Variants in PLA2G5 observed in about 807,000 individuals in gnomAD.
PLA2G5 encodes the protein Ca2+-dependent phospholipase A2.
A neutral mutation model predicts 15.9 loss-of-function variants in PLA2G5; 12 were observed. The ratio of observed to expected loss-of-function variants is 0.76; its 90% CI spans 0.48 to 1.23. The LOEUF (loss-of-function observed/expected upper bound fraction) is 1.23, where lower values mean the gene tolerates loss of function less well. Among genes scored for constraint, PLA2G5 ranks in the 50% most tolerant of loss-of-function variants. PLA2G5 has a pLI of 0.00. For missense variants in PLA2G5, 169 were observed against 177.1 expected (o/e 0.95, Z 0.26); for synonymous variants, 71 against 71.4 (o/e 0.99, Z 0.03).
intron 1 of PLA2G5, among the ~76,000 whole-genome samples, chr1:20,043,049 C>A (rs763785058): frequency 1.3e-5 from 2 of 152,082 alleles, no homozygotes; most frequent in African/African-American, 2.4e-5. Context: ...GTTCCTGAAG[C>A]CTTGCAGCAA....
At chr1:20,038,278 C>G (rs2013385216) in intron 1 of PLA2G5, among the ~76,000 whole-genome samples, 1 of 152,000 alleles carries the variant, frequency 6.6e-6, no homozygotes, top group South Asian at 2.1e-4. Flanking sequence ...CCACCACCCC[C>G]CAAAAAAAAT....
intron 1 of PLA2G5, among the ~76,000 whole-genome samples, chr1:20,029,505 G>A (rs145255128): frequency 2.0e-5 from 3 of 152,232 alleles, no homozygotes; most frequent in Non-Finnish European, 4.4e-5. Context: ...CTAGCGTCCC[G>A]GGTTTTTATA....
At chr1:20,059,062 T>C (rs1187379095) in intron 1 of PLA2G5, among the ~76,000 whole-genome samples, 1 of 140,012 alleles carries the variant, frequency 7.1e-6, no homozygotes, top group African/African-American at 2.7e-5. Flanking sequence ...TAATCCCAGC[T>C]ACTCAGGAGG....
Position 20,090,852 on chromosome 1 carries a change from G to T in PLA2G5, c.*160G>T. 1 of 684,136 alleles carries T rather than the reference G, an allele frequency of 1.5e-6. No individual in the cohort carries two copies. The highest frequency in any genetic ancestry group is 2.7e-5 in the East Asian group (1 of 37,136). The allele number at this position is 684,136 out of a possible 1,614,324, so 42.4% of individuals were successfully genotyped here. A position where few individuals can be genotyped will look rare whatever the true frequency, so the allele number is the denominator to read the frequency against. On this transcript the variant is annotated 3_prime_UTR_variant, in exon 5 of 5. Coordinates refer to ENST00000375108, the MANE Select transcript of PLA2G5 (RefSeq NM_000929.3). The stretch of plus-strand genomic sequence containing the variant: ...CCAGGGCCACACTGTACCCTCCAGC[G>T]AGTCCCAGGAGAGTGACTCTGGTCA...
intron 1 of PLA2G5, among the ~76,000 whole-genome samples, chr1:20,084,519 C>T (rs866573853): frequency 1.1e-4 from 17 of 152,338 alleles, no homozygotes; most frequent in Middle Eastern, 3.4e-3. Context: ...TGCCCATTCT[C>T]TGGTCCCTTT....
chr1:20,054,344 G>C (rs1009651367), intron 1 of PLA2G5, among the ~76,000 whole-genome samples: 1 of 152,172 alleles, frequency 6.6e-6, no homozygotes, highest in Non-Finnish European at 1.5e-5. Context: ...GGTCCCTCTA[G>C]GGTGTGTCTG....
intron 1 of PLA2G5, among the ~76,000 whole-genome samples, chr1:20,039,430 A>T (rs1000912391): frequency 1.3e-5 from 2 of 152,214 alleles, no homozygotes; most frequent in Non-Finnish European, 2.9e-5. Flanking sequence ...CAAAACAAGG[A>T]TTAAATAGAC....
intron 1 of PLA2G5, among the ~76,000 whole-genome samples, chr1:20,045,831 T>A (rs555169855): frequency 6.6e-6 from 1 of 152,280 alleles, no homozygotes; most frequent in East Asian, 1.9e-4. Context: ...ATAAACAGCT[T>A]TATTGCTCAC....
rs567494579 is a variant in PLA2G5 at position 20,090,680 on chromosome 1, C to A, written c.405C>A (p.Ile135=). 1 of 1,614,146 alleles carries A rather than the reference C, an allele frequency of 6.2e-7. No homozygotes were observed. Among genetic ancestry groups the A allele is most frequent in the South Asian group, 1.1e-5 (1 of 91,070 alleles). Residue 135 remains isoleucine (I), a synonymous_variant, in exon 5 of 5, where the codon ATC becomes ATA. Coordinates refer to ENST00000375108, the MANE Select transcript of PLA2G5 (RefSeq NM_000929.3). Reference sequence around the variant, plus strand: ...CACAGTACCAATACTTTCCCAACATCCTCTGCTCCTAGGCCTCCCCAGCGA... The same window carrying A: ...CACAGTACCAATACTTTCCCAACATACTCTGCTCCTAGGCCTCCCCAGCGA... The part of the protein sequence containing the change: ...YNPQYQYFPN[I]LCS
intron 1 of PLA2G5, among the ~76,000 whole-genome samples, chr1:20,051,522 A>G (rs559440503): frequency 6.6e-6 from 1 of 152,338 alleles, no homozygotes; most frequent in East Asian, 1.9e-4. Flanking sequence ...GTATACTCCT[A>G]TGGAACAAAA....
At chr1:20,028,874 TC>T (rs1464369569) in intron 1 of PLA2G5, among the ~76,000 whole-genome samples, 3 of 152,164 alleles carry the variant, frequency 2.0e-5, no homozygotes, top group African/African-American at 7.2e-5. Context: ...TGCAGCTGCT[TC>T]TTCAGTGCCC....
chr1:20,035,463 C>T (rs1222838336), intron 1 of PLA2G5, among the ~76,000 whole-genome samples: 4 of 152,150 alleles, frequency 2.6e-5, no homozygotes, highest in East Asian at 1.9e-4. Context: ...TTCACTTTGA[C>T]GAAGGTCTGC....
intron 1 of PLA2G5, among the ~76,000 whole-genome samples, chr1:20,036,344 T>C (rs1046427784): frequency 1.3e-5 from 2 of 152,178 alleles, no homozygotes; most frequent in Admixed American, 6.5e-5. Flanking sequence ...TTCCAAACTT[T>C]TAGATTTCTT....
At chr1:20,041,891 G>C (rs775669362) in intron 1 of PLA2G5, among the ~76,000 whole-genome samples, 2 of 152,176 alleles carry the variant, frequency 1.3e-5, no homozygotes, top group Non-Finnish European at 2.9e-5. Flanking sequence ...TACCTTATCA[G>C]CATAAGCATT....
chr1:20,055,450 C>T (rs2014386274), intron 1 of PLA2G5, among the ~76,000 whole-genome samples: 1 of 152,180 alleles, frequency 6.6e-6, no homozygotes, highest in African/African-American at 2.4e-5. Flanking sequence ...TCTCATTCTC[C>T]TCTGCTTTGT....
chr1:20,058,143 G>A (rs1275099204), intron 1 of PLA2G5, among the ~76,000 whole-genome samples: 1 of 152,164 alleles, frequency 6.6e-6, no homozygotes, highest in Non-Finnish European at 1.5e-5. Context: ...TTTAGATCCA[G>A]CTGTTAGAAG....
At chr1:20,077,802 C>T (rs991577560) in intron 1 of PLA2G5, among the ~76,000 whole-genome samples, 6 of 152,166 alleles carry the variant, frequency 3.9e-5, no homozygotes, top group African/African-American at 1.4e-4. Flanking sequence ...CACGTCTCTC[C>T]TACGTTGGAT....
chr1:20,061,927 T>C (rs901031012), intron 2 of PLA2G5, among the ~76,000 whole-genome samples: 33 of 152,378 alleles, frequency 2.2e-4, no homozygotes, highest in African/African-American at 7.7e-4. Context: ...ATTCCCAATA[T>C]TGGAGGTGGA....
chr1:20,087,800 A>G (rs368607898), intron 3 of PLA2G5, among the ~76,000 whole-genome samples: 4 of 152,140 alleles, frequency 2.6e-5, no homozygotes, highest in African/African-American at 9.7e-5. Flanking sequence ...GTGCTTAAAT[A>G]AACGCAAACA....
Sources: allele counts gnomAD v4.1 joint callset (sites outside exome capture counted in the v4.1 genomes callset), GRCh38; gene constraint gnomAD v4.1.1; transcripts MANE v1.5; gene names NCBI Gene and HGNC (gene_info 2026-07-23, HGNC 2026-07-21).